NAV2: variants seen among roughly 807,000 people sequenced by gnomAD.
The protein encoded by NAV2 is helicase, APC down-regulated 1.
In NAV2, 54 loss-of-function variants were observed where a neutral mutation model predicts 223.2. That is an observed-to-expected ratio of 0.24 (90% CI 0.19 to 0.30). NAV2 has a LOEUF of 0.30. Ranked by LOEUF, NAV2 falls within the 10% of genes least tolerant of loss-of-function variation. The probability of loss-of-function intolerance (pLI) is 1.00; values close to 1 mark genes in which losing one functional copy is unlikely to be tolerated. For missense variants in NAV2, 2,806 were observed against 3,147.5 expected, an observed-to-expected ratio of 0.89 and a Z score of 2.60; for synonymous variants, 1,279 against 1,239.3, an observed-to-expected ratio of 1.03 and a Z score of -0.67.
At chr11:19,370,828 C>T (rs1848444502) in intron 1 of NAV2, among the ~76,000 whole-genome samples, 1 of 152,218 alleles carries the variant, frequency 6.6e-6, no homozygotes, top group Non-Finnish European at 1.5e-5. Context: ...CACCAGGAGA[C>T]ATGGCTTCCA....
chr11:19,559,964 A>G lies in NAV2; in HGVS notation c.75+208937A>G, dbSNP rs148478620. Among the ~76,000 whole-genome samples the G allele has an allele frequency of 5.2e-3, 785 of 152,262 alleles. 12 individuals carry two copies. The highest frequency in any genetic ancestry group is 0.018 in the African/African-American group (745 of 41,552). ...GTGTACCTGGAATCCCGATTTCTCT[A>G]GCTGAGTCTGCCTTAGCCATTCCCC... On this transcript the variant is annotated intron_variant, in intron 1 of 37. Transcript: ENST00000360655.
At chr11:19,860,090 G>A (rs2061641532) in intron 3 of NAV2, among the ~76,000 whole-genome samples, 2 of 125,094 alleles carry the variant, frequency 1.6e-5, no homozygotes, top group Non-Finnish European at 3.4e-5. Flanking sequence ...CCGGGCAGAG[G>A]GGCTCCTCAC....
At position 19,785,647 on chromosome 11, in the gene NAV2, C is replaced by CTTTTT. The variant is rs3214722; in HGVS notation, c.268-46829_268-46825dup. Among the ~76,000 whole-genome samples the CTTTTT allele has an allele frequency of 1.4e-5, 2 of 141,858 alleles. 1 individual carries two copies. The allele number at this position is 141,858 out of a possible 152,430, so 93.1% of individuals were successfully genotyped here. ...AAGATGAGTTTATTGCGTCAGCTGG[C>CTTTTT]TTTTTTTTTTTTAAAGCACTAATTG... On this transcript the variant is annotated intron_variant, in intron 1 of 37. Transcript: ENST00000349880.
At chr11:20,103,551 T>C (rs1233039300) in intron 33 of NAV2, 102 bp from the exon 34 acceptor site, 12 of 1,485,516 alleles carry the variant, frequency 8.1e-6, no homozygotes, top group Non-Finnish European at 1.1e-5. Context: ...GGCAGCCAGC[T>C]GTCCACTGGC....
intron 3 of NAV2, among the ~76,000 whole-genome samples, chr11:19,866,204 G>A (rs1451219545): frequency 6.6e-6 from 1 of 152,232 alleles, no homozygotes; most frequent in Non-Finnish European, 1.5e-5. Flanking sequence ...CACTGTTGAT[G>A]TTTTGGACTG....
chr11:19,780,749 T>C (rs1325360456), intron 1 of NAV2, among the ~76,000 whole-genome samples: 1 of 152,250 alleles, frequency 6.6e-6, no homozygotes, highest in Non-Finnish European at 1.5e-5. Context: ...CAGTGAATGG[T>C]TGCTCATATG....
At position 19,629,338 on chromosome 11, in the gene NAV2, A is replaced by G. The variant is rs2047273917; in HGVS notation, c.76-203146A>G. ...TCTGGCTCAGGGACCAAAGGGGCCC[A>G]TTAGGCTCTTTCCTAGACTAATAAT... On this transcript the variant is annotated intron_variant, in intron 1 of 37. Coordinates refer to the NAV2 transcript ENST00000360655. Among the ~76,000 whole-genome samples, 4 of 152,238 alleles carry G rather than the reference A, an allele frequency of 2.6e-5. No individual in the cohort carries two copies. In the South Asian group the frequency reaches 8.3e-4, roughly 32 times the overall value.
intron 26 of NAV2, among the ~76,000 whole-genome samples, chr11:20,083,453 A>G (rs924426123): frequency 6.6e-6 from 1 of 152,166 alleles, no homozygotes; most frequent in African/African-American, 2.4e-5. Context: ...ACCTCTATAT[A>G]TCAATTTGGG....
In NAV2 at chr11:19,586,396, G is replaced by A. The variant is rs544181260; in HGVS notation, c.75+235369G>A. 1.2e-4 allele frequency among the ~76,000 whole-genome samples: 18 copies of A among 152,196 alleles called. No individual in the cohort carries two copies. In the South Asian group the frequency reaches 1.7e-3, roughly 14 times the overall value. ...TCTCAACTCATCAAAGTCATTCTCC[G>A]TCCAGCTTTGTTCCGTTGCTGGTGA... On this transcript the variant is annotated intron_variant, in intron 1 of 37. Coordinates refer to the NAV2 transcript ENST00000360655.
intron 5 of NAV2, 27 bp from the exon 6 acceptor site, chr11:19,892,407 C>A (rs2041577239): frequency 1.9e-6 from 3 of 1,608,670 alleles, no homozygotes; most frequent in Admixed American, 1.7e-5. Flanking sequence ...AGACTGAATG[C>A]ATTATCCTGT....
chr11:19,820,821 G>C (rs1280267767), intron 1 of NAV2, among the ~76,000 whole-genome samples: 4 of 152,210 alleles, frequency 2.6e-5, no homozygotes, highest in Non-Finnish European at 5.9e-5. Flanking sequence ...CAGTGAGTGA[G>C]AGATTGTAGA....
At chr11:19,399,328 C>T (rs1447900436) in intron 1 of NAV2, among the ~76,000 whole-genome samples, 1 of 152,242 alleles carries the variant, frequency 6.6e-6, no homozygotes, top group African/African-American at 2.4e-5. Context: ...TTTATTTCAG[C>T]TCTGACACTA....
At chr11:19,693,522 G>T (rs1287628281) in intron 1 of NAV2, among the ~76,000 whole-genome samples, 1 of 152,172 alleles carries the variant, frequency 6.6e-6, no homozygotes, top group Non-Finnish European at 1.5e-5. Flanking sequence ...ATCTTTTGAG[G>T]AAAATAAAAC....
intron 1 of NAV2, among the ~76,000 whole-genome samples, chr11:19,666,199 T>C (rs771558910): frequency 2.0e-5 from 3 of 152,240 alleles, no homozygotes; most frequent in Non-Finnish European, 4.4e-5. Flanking sequence ...CTTCTCACTC[T>C]GTTCACCAGC....
intron 1 of NAV2, among the ~76,000 whole-genome samples, chr11:19,364,465 T>A (rs1854146007): frequency 4.6e-5 from 7 of 152,202 alleles, no homozygotes; most frequent in Admixed American, 3.9e-4. Context: ...AACCAACTGA[T>A]CCTTGCTTGG....
intron 9 of NAV2, among the ~76,000 whole-genome samples, chr11:19,948,189 G>A (rs939067472): frequency 5.3e-5 from 8 of 152,074 alleles, no homozygotes; most frequent in Non-Finnish European, 1.2e-4. Context: ...GGGTTCAAGC[G>A]ATTCTCCTGC....
At chr11:19,552,159 G>C (rs769192055) in intron 1 of NAV2, among the ~76,000 whole-genome samples, 19 of 152,204 alleles carry the variant, frequency 1.2e-4, no homozygotes, top group Admixed American at 2.0e-4. Flanking sequence ...GAGCCTCTTG[G>C]GGTGTAGGTG....
At chr11:19,368,885 G>A (rs1239669304) in intron 1 of NAV2, among the ~76,000 whole-genome samples, 1 of 152,118 alleles carries the variant, frequency 6.6e-6, no homozygotes, top group Non-Finnish European at 1.5e-5. Context: ...AAGGAGACAT[G>A]GCTCAGATTA....
intron 1 of NAV2, among the ~76,000 whole-genome samples, chr11:19,528,535 C>T (rs749964395): frequency 2.6e-5 from 4 of 152,166 alleles, no homozygotes; most frequent in Non-Finnish European, 4.4e-5. Context: ...TGGGCAGAGG[C>T]GGCTGGAAGG....
Sources: gnomAD v4.1 joint callset for allele counts (sites outside exome capture counted in the v4.1 genomes callset) on GRCh38, gnomAD v4.1.1 for gene constraint, MANE v1.5 for transcripts, NCBI Gene and HGNC (gene_info 2026-07-23, HGNC 2026-07-21) for gene names.